The following PWWP3B variants were observed in gnomAD, a reference collection of about 807,000 sequenced individuals.
PWWP3B encodes PWWP domain-containing DNA repair factor 3B.
In PWWP3B, 5 loss-of-function variants were observed where a neutral mutation model predicts 15.7. The ratio of observed to expected loss-of-function variants is 0.32; its 90% CI spans 0.17 to 0.67. The LOEUF (loss-of-function observed/expected upper bound fraction) is 0.67, where lower values mean the gene tolerates loss of function less well. PWWP3B is among the 30% of genes least tolerant of loss of function. PWWP3B has a pLI of 0.74. For missense variants in PWWP3B, 519 were observed against 493.1 expected (o/e 1.05, Z -0.50); for synonymous variants, 203 against 179.8 (o/e 1.13, Z -1.03).
At chrX:106,188,426 A>C (rs1569361160) in intron 2 of PWWP3B, among the ~76,000 whole-genome samples, 1 of 111,970 alleles carries the variant, frequency 8.9e-6, no homozygotes, top group Non-Finnish European at 1.9e-5. Context: ...CAAAATCCCT[A>C]TATGTATGTA....
In PWWP3B at chrX:106,205,524, G is replaced by A; in HGVS notation, c.92G>A (p.Arg31Lys). Residue 31 changes from arginine (R) to lysine (K), a missense_variant, in exon 4 of 4, where the codon AGG (arginine) becomes AAG (lysine). Coordinates refer to ENST00000357175, the MANE Select transcript of PWWP3B (RefSeq NM_001171020.2). The stretch of plus-strand genomic sequence containing the variant: ...TCTGAAACTTCATCAAACAGTAAGA[G>A]GAAAAAGGCATTTTCTCTAGAAGTT... ...SRSETSSNSK[R>K]KKAFSLEVQI... 2 of 1,202,492 alleles carry A rather than the reference G, an allele frequency of 1.7e-6. No homozygotes were observed. The highest frequency in any genetic ancestry group is 2.2e-6 in the Non-Finnish European group (2 of 890,879).
intron 2 of PWWP3B, among the ~76,000 whole-genome samples, chrX:106,189,235 T>C (rs1385230868): frequency 8.9e-6 from 1 of 111,907 alleles, no homozygotes; most frequent in African/African-American, 3.3e-5. Context: ...TTTTAAAATT[T>C]TATTATTATT....
chrX:106,168,701 C>A (rs749720429), intron 1 of PWWP3B, among the ~76,000 whole-genome samples: 1 of 112,072 alleles, frequency 8.9e-6, no homozygotes, highest in South Asian at 3.7e-4. Flanking sequence ...GGAGTTTAAT[C>A]TTCCTTATTT....
Position 106,207,055 on chromosome X carries a change from C to T in PWWP3B, c.1623C>T (p.Leu541=). ...QTKKMSFQKI[L]PDRMKAARDR... ...AGAAAATGTCCTTCCAAAAAATTCT[C>T]CCTGACCGGATGAAGGCTGCTCGGG... Residue 541 remains leucine, a synonymous_variant, in exon 4 of 4, where the codon CTC becomes CTT. Transcript: ENST00000357175. 8.3e-6 allele frequency: 10 copies of T among 1,207,405 alleles called. No homozygotes were observed. The highest frequency in any genetic ancestry group is 1.1e-5 in the Non-Finnish European group (10 of 893,199).
chrX:106,196,711 T>A (rs144792244), intron 2 of PWWP3B, among the ~76,000 whole-genome samples: 48 of 112,225 alleles, frequency 4.3e-4, no homozygotes, highest in Non-Finnish European at 8.3e-4. Context: ...CGTTAAGGAC[T>A]TCTTTGTCTA....
rs761675155 is a variant in PWWP3B, at chrX:106,206,084, A to T, written c.652A>T (p.Met218Leu). 9.9e-6 allele frequency: 12 copies of T among 1,209,801 alleles called. No homozygotes were observed. The African/African-American group carries it at 2.1e-4, about 21-fold the overall frequency. ...GAATAAGATTGATATCTCAGCAGTTATGTCTGTGCATTCTGCAGTCAAAGA... is the reference window on the plus strand; with the variant it reads ...GAATAAGATTGATATCTCAGCAGTTTTGTCTGTGCATTCTGCAGTCAAAGA... ...NKNKIDISAV[M>L]SVHSAVKEES... Residue 218 changes from methionine to leucine, a missense_variant, in exon 4 of 4, where the codon ATG becomes TTG. Met to Leu is a conservative substitution (Grantham distance 15, BLOSUM62 2). Coordinates refer to ENST00000357175, the MANE Select transcript of PWWP3B (RefSeq NM_001171020.2).
At chrX:106,204,523 A>G (rs1486550837) in intron 3 of PWWP3B, among the ~76,000 whole-genome samples, 3 of 112,212 alleles carry the variant, frequency 2.7e-5, no homozygotes, top group Non-Finnish European at 5.6e-5. Flanking sequence ...AGAAGTTGTC[A>G]TAGCAGTAAT....
At position 106,187,644 on chromosome X, in the gene PWWP3B, TATTC is replaced by T. The variant is rs765855237; in HGVS notation, c.-400-16339_-400-16336del. ...TGTTCTTCCTCTTCAGGTGGGCTGA[TATTC>T]AGTCAGTTGACATTAATAGGATTGA... On this transcript the variant is annotated intron_variant, in intron 2 of 3. Coordinates refer to ENST00000357175, the MANE Select transcript of PWWP3B (RefSeq NM_001171020.2). Among the ~76,000 whole-genome samples, 48 of 112,410 alleles carry T rather than the reference TATTC, an allele frequency of 4.3e-4. No homozygotes were observed. In the East Asian group the frequency reaches 0.012, roughly 29 times the overall value.
chrX:106,169,336 G>GA (rs1921493382), intron 1 of PWWP3B, among the ~76,000 whole-genome samples: 3 of 111,592 alleles, frequency 2.7e-5, no homozygotes, highest in Non-Finnish European at 5.7e-5. Flanking sequence ...ATGTGATGAG[G>GA]AAAAAAATAA....
chrX:106,202,781 G>GA (rs914466478), intron 2 of PWWP3B, among the ~76,000 whole-genome samples: 2 of 111,793 alleles, frequency 1.8e-5, no homozygotes, highest in Non-Finnish European at 3.8e-5. Context: ...AGTATAAGGT[G>GA]AAAAAAATTA....
At chrX:106,198,299 C>T (rs1338230826) in intron 2 of PWWP3B, among the ~76,000 whole-genome samples, 1 of 111,519 alleles carries the variant, frequency 9.0e-6, no homozygotes, top group Non-Finnish European at 1.9e-5. Context: ...GATCTTTTCA[C>T]CACAGCTATA....
intron 2 of PWWP3B, among the ~76,000 whole-genome samples, chrX:106,172,755 A>C (rs1316861578): frequency 8.9e-6 from 1 of 111,974 alleles, no homozygotes; most frequent in Non-Finnish European, 1.9e-5. Flanking sequence ...CAGTAAGTAC[A>C]TAAACCAATA....
At chrX:106,199,061 T>G (rs1465621001) in intron 2 of PWWP3B, among the ~76,000 whole-genome samples, 1 of 106,701 alleles carries the variant, frequency 9.4e-6, no homozygotes, top group South Asian at 4.2e-4. Context: ...TTTTTTTTTT[T>G]TTTTTGAGAC....
At chrX:106,172,346 T>G (rs1370550588) in intron 2 of PWWP3B, among the ~76,000 whole-genome samples, 1 of 111,831 alleles carries the variant, frequency 8.9e-6, no homozygotes, top group African/African-American at 3.2e-5. Flanking sequence ...TTTAACACTT[T>G]TGTAATAATA....
At chrX:106,196,300 G>T (rs780375767) in intron 2 of PWWP3B, among the ~76,000 whole-genome samples, 29 of 111,376 alleles carry the variant, frequency 2.6e-4, no homozygotes, top group Non-Finnish European at 4.9e-4. Flanking sequence ...ATTGTAATTG[G>T]CTGGGATCGC....
rs192629050 is a variant in PWWP3B, at chrX:106,208,435, G to A, written c.*912G>A. 14 of 123,946 alleles carry A rather than the reference G, an allele frequency of 1.1e-4. 1 individual carries two copies. Among genetic ancestry groups the A allele is most frequent in the Admixed American group, 8.5e-4 (9 of 10,641 alleles). The allele number at this position is 123,946 out of a possible 1,213,427, so 10.2% of individuals were successfully genotyped here. ...GGCTGACTGCTTAAGTGCCCATCTC[G>A]TTTGATATAAACTGTAGAAAAGGCA... On this transcript the variant is annotated 3_prime_UTR_variant, in exon 4 of 4. Transcript: ENST00000357175.
At chrX:106,188,213 A>G (rs1256237556) in intron 2 of PWWP3B, among the ~76,000 whole-genome samples, 2 of 111,905 alleles carry the variant, frequency 1.8e-5, no homozygotes, top group Middle Eastern at 4.2e-3. Flanking sequence ...ACAAAGTTAT[A>G]TAACTGCATC....
Position 106,206,557 on chromosome X carries a change from C to T in PWWP3B, c.1125C>T (p.Asp375=), listed in dbSNP as rs367590084. ...NLSLLDDDEE[D]EELPRFILHY... is the part of the protein sequence containing the mutation. Reference sequence around the variant, plus strand: ...CTCTATTAGATGATGATGAGGAAGACGAAGAACTTCCACGCTTCATTTTAC... The same window carrying T: ...CTCTATTAGATGATGATGAGGAAGATGAAGAACTTCCACGCTTCATTTTAC... The change falls in exon 4 of 4, where the codon GAC becomes GAT. Residue 375 remains aspartate (D), a synonymous_variant. Coordinates refer to ENST00000357175, the MANE Select transcript of PWWP3B (RefSeq NM_001171020.2). 159 of 1,206,951 alleles carry T rather than the reference C, an allele frequency of 1.3e-4. No individual in the cohort carries two copies. The highest frequency in any genetic ancestry group is 1.6e-4 in the Non-Finnish European group (146 of 893,837).
chrX:106,195,238 A>T (rs1407162481), intron 2 of PWWP3B, among the ~76,000 whole-genome samples: 2 of 111,695 alleles, frequency 1.8e-5, no homozygotes, highest in African/African-American at 6.5e-5. Flanking sequence ...TTGAATTTTG[A>T]GAGTTCTTTA....
Sources: allele counts gnomAD v4.1 joint callset (sites outside exome capture counted in the v4.1 genomes callset), GRCh38; gene constraint gnomAD v4.1.1; transcripts MANE v1.5; gene names NCBI Gene and HGNC (gene_info 2026-07-23, HGNC 2026-07-21).